ZNF624: variants seen among roughly 807,000 people sequenced by gnomAD.
ZNF624 encodes zinc finger protein 624.
ZNF624 carries 43 observed loss-of-function variants against 74.7 expected under a neutral mutation model. That is an observed-to-expected ratio of 0.58 (90% CI 0.45 to 0.74). ZNF624 has a LOEUF of 0.74. Ranked by LOEUF, ZNF624 falls within the 30% of genes least tolerant of loss-of-function variation. ZNF624 has a pLI of 0.00. For missense variants in ZNF624, 820 were observed against 1,030.0 expected (o/e 0.80, Z 2.79); for synonymous variants, 331 against 341.3 (o/e 0.97, Z 0.33).
downstream of ZNF624, among the ~76,000 whole-genome samples, chr17:16,620,315 T>C (rs1273819634): frequency 2.0e-5 from 3 of 152,222 alleles, no homozygotes; most frequent in Non-Finnish European, 4.4e-5. Flanking sequence ...CCCTCATTTA[T>C]AGACTTGGGA....
chr17:16,638,300 G>A (rs1341922471), intron 3 of ZNF624, among the ~76,000 whole-genome samples: 1 of 152,180 alleles, frequency 6.6e-6, no homozygotes. Flanking sequence ...GTGGAAGTCA[G>A]TGTGGCGATT....
intron 3 of ZNF624, 111 bp downstream of exon 3, chr17:16,647,218 A>C (rs1446223889): frequency 2.0e-6 from 2 of 982,622 alleles, no homozygotes; most frequent in Non-Finnish European, 3.2e-6. Context: ...GGGCTACCAC[A>C]CCAATCAAAT....
chr17:16,628,107 A>C (rs1569042565), intron 5 of ZNF624, among the ~76,000 whole-genome samples: 2 of 152,062 alleles, frequency 1.3e-5, no homozygotes, highest in Admixed American at 6.6e-5. Flanking sequence ...TAAAAAATAC[A>C]AAAAAATTGG....
At chr17:16,652,460 T>A (rs544492642) in intron 1 of ZNF624, among the ~76,000 whole-genome samples, 22 of 152,340 alleles carry the variant, frequency 1.4e-4, no homozygotes, top group Non-Finnish European at 2.6e-4. Context: ...TCATCATTTT[T>A]AAAATATTTG....
chr17:16,628,535 A>C (rs1011581706), intron 5 of ZNF624, among the ~76,000 whole-genome samples: 4 of 152,222 alleles, frequency 2.6e-5, no homozygotes, highest in African/African-American at 9.6e-5. Flanking sequence ...TAAGAGCACA[A>C]TAGAGACAGC....
chr17:16,643,859 C>T (rs1466028415), intron 3 of ZNF624, among the ~76,000 whole-genome samples: 1 of 152,170 alleles, frequency 6.6e-6, no homozygotes, highest in Admixed American at 6.5e-5. Context: ...ACTGCTGCGA[C>T]AGTTTGGATG....
At chr17:16,620,253 C>T (rs1908874935), downstream of ZNF624, among the ~76,000 whole-genome samples, 1 of 152,192 alleles carries the variant, frequency 6.6e-6, no homozygotes, top group South Asian at 2.1e-4. Context: ...CCCATTGTTA[C>T]TCTAGGCCCC....
At chr17:16,651,810 G>T (rs183879329) in intron 1 of ZNF624, among the ~76,000 whole-genome samples, 1 of 151,954 alleles carries the variant, frequency 6.6e-6, no homozygotes, top group Non-Finnish European at 1.5e-5. Flanking sequence ...TTATTAAAAA[G>T]GAAATTATTT....
intron 5 of ZNF624, 44 bp from the exon 6 acceptor site, chr17:16,624,553 T>C (rs769974729): frequency 2.0e-6 from 3 of 1,488,686 alleles, no homozygotes; most frequent in Non-Finnish European, 2.7e-6. Context: ...TTTCCTAAGC[T>C]GGGGCAATCT....
chr17:16,624,380 C>T lies in ZNF624; in HGVS notation c.506G>A (p.Trp169Ter), dbSNP rs754763390. The T allele has an allele frequency of 1.2e-6, 2 of 1,614,004 alleles. No homozygotes were observed. Among genetic ancestry groups the T allele is most frequent in the Admixed American group, 3.3e-5 (2 of 60,000 alleles). Residue 169 changes from tryptophan to a stop codon, truncating the protein, a stop_gained, in exon 6 of 6, where the codon TGG becomes TAG. Transcript: ENST00000311331. LOFTEE classifies it high-confidence loss of function. ...TCTCAATATCCTATCATTCCATTTC[C>T]ATAACCCTTCCATTCTGGAATCCCA... Reference protein sequence around the residue: ...GLWDSRMEGLWKWNDRILRLQ... With the variant: ...GLWDSRMEGL
chr17:16,649,548 G>A (rs1172287342), intron 2 of ZNF624, 110 bp downstream of exon 2: 3 of 925,434 alleles, frequency 3.2e-6, no homozygotes, highest in East Asian at 5.0e-5. Context: ...CTATTTAGTT[G>A]AGTTCCCAGA....
intron 5 of ZNF624, among the ~76,000 whole-genome samples, chr17:16,626,187 G>C (rs1352116668): frequency 2.0e-5 from 3 of 152,192 alleles, no homozygotes; most frequent in African/African-American, 7.2e-5. Flanking sequence ...CTGGCCTCAA[G>C]TGATCCACCC....
At chr17:16,617,989 C>T (rs1908827708), downstream of ZNF624, 4 of 654,846 alleles carry the variant, frequency 6.1e-6, no homozygotes, top group East Asian at 1.1e-4. Flanking sequence ...GCGCCTCACA[C>T]CATAGTGGCG....
intron 5 of ZNF624, among the ~76,000 whole-genome samples, chr17:16,626,909 G>C (rs1300467131): frequency 6.6e-6 from 1 of 152,096 alleles, no homozygotes; most frequent in Non-Finnish European, 1.5e-5. Flanking sequence ...ACAAAAATTA[G>C]CTGGGTGTGG....
Position 16,622,735 on chromosome 17 carries a change from T to C in ZNF624, c.2151A>G (p.Thr717=), listed in dbSNP as rs1908953531. The part of the protein sequence containing the change: ...SNSGFNTHQR[T]HTGEKPFKCN... ...ATTTAAATGGTTTCTCTCCAGTATGTGTTCTTTGATGTGTATTAAAGCCTG... is the reference window on the plus strand; with the variant it reads ...ATTTAAATGGTTTCTCTCCAGTATGCGTTCTTTGATGTGTATTAAAGCCTG... Residue 717 remains threonine (T), a synonymous_variant, in exon 6 of 6, where the codon ACA becomes ACG. Transcript: ENST00000311331. The C allele has an allele frequency of 6.2e-7, 1 of 1,613,628 alleles. No individual in the cohort carries two copies. Among genetic ancestry groups the C allele is most frequent in the Non-Finnish European group, 8.5e-7 (1 of 1,179,922 alleles).
At chr17:16,616,297 G>C (rs1201098612), downstream of ZNF624, among the ~76,000 whole-genome samples, 2 of 151,898 alleles carry the variant, frequency 1.3e-5, no homozygotes, top group Admixed American at 6.6e-5. Context: ...TAGAATTTAC[G>C]TTGTTTCCAC....
intron 5 of ZNF624, among the ~76,000 whole-genome samples, chr17:16,630,875 C>T (rs1165117851): frequency 6.9e-6 from 1 of 144,806 alleles, no homozygotes; most frequent in Non-Finnish European, 1.6e-5. Context: ...TGTATAGTCT[C>T]ACTAGCAGAC....
Position 16,623,506 on chromosome 17 carries a change from A to G in ZNF624, c.1380T>C (p.Asn460=), listed in dbSNP as rs1174970063. 1.9e-5 allele frequency: 30 copies of G among 1,610,220 alleles called. No homozygotes were observed. The highest frequency in any genetic ancestry group is 2.3e-5 in the Non-Finnish European group (27 of 1,178,888). The change falls in exon 6 of 6, where the codon AAT becomes AAC. Residue 460 remains asparagine (N), a synonymous_variant. Coordinates refer to ENST00000311331, the MANE Select transcript of ZNF624 (RefSeq NM_020787.4). This position sits in a 1 kb window ranked among gnomAD's most constrained non-coding sequence, Gnocchi z 5.3. ...CTCCAGTATGAATCCTCTGATGCAC[A>G]TTAAAAATTGTGGTATTCTTAAAAG... is the stretch of plus-strand genomic sequence containing the variant. ...GKSFKNTTIF[N]VHQRIHTGEK...
intron 3 of ZNF624, 80 bp downstream of exon 3, chr17:16,647,249 T>G (rs1214206684): frequency 2.5e-6 from 3 of 1,220,078 alleles, no homozygotes; most frequent in Non-Finnish European, 3.6e-6. Flanking sequence ...AACTTGCAAT[T>G]AACTGGGAAC....
Sources: gnomAD v4.1 joint callset for allele counts (sites outside exome capture counted in the v4.1 genomes callset) on GRCh38, gnomAD v4.1.1 for gene constraint, Gnocchi (gnomAD v3.1) non-coding constraint, MANE v1.5 for transcripts, NCBI Gene and HGNC (gene_info 2026-07-23, HGNC 2026-07-21) for gene names.